The following KCNN2 variants were observed in gnomAD, a reference collection of about 807,000 sequenced individuals.
KCNN2 encodes potassium calcium-activated channel subfamily N member 2.
A neutral mutation model predicts 55.5 loss-of-function variants in KCNN2; 24 were observed. That is an observed-to-expected ratio of 0.43 (90% confidence interval 0.31 to 0.61). The LOEUF (loss-of-function observed/expected upper bound fraction) is 0.61, where lower values mean the gene tolerates loss of function less well. Among genes scored for constraint, KCNN2 ranks in the 20% least tolerant of loss-of-function variants. The pLI, the probability that KCNN2 is intolerant of heterozygous loss-of-function variation, is 0.08. For missense variants in KCNN2, 754 were observed against 853.6 expected, an observed-to-expected ratio of 0.88 and a Z score of 1.45; for synonymous variants, 431 against 336.1, an observed-to-expected ratio of 1.28 and a Z score of -3.09.
intron 1 of KCNN2, among the ~76,000 whole-genome samples, chr5:114,164,153 T>C (rs2112535285): frequency 6.6e-6 from 1 of 152,306 alleles, no homozygotes; most frequent in African/African-American, 2.4e-5. Context: ...TGGTGAAATG[T>C]AGTATAAGAA....
At chr5:114,134,022 G>A (rs79143392) in intron 1 of KCNN2, among the ~76,000 whole-genome samples, 4,639 of 152,206 alleles carry the variant, frequency 0.03, 244 homozygotes, top group African/African-American at 0.1. Context: ...GCTGGATGCA[G>A]TTCATCAGGA....
chr5:114,466,324 C>T (rs941949226), intron 4 of KCNN2, among the ~76,000 whole-genome samples: 50 of 151,992 alleles, frequency 3.3e-4, no homozygotes, highest in African/African-American at 1.1e-3. Context: ...TAGCTTTGTA[C>T]TTTTGGTTGA....
intron 1 of KCNN2, among the ~76,000 whole-genome samples, chr5:114,160,489 G>T (rs991148516): frequency 6.6e-6 from 1 of 152,116 alleles, no homozygotes; most frequent in Non-Finnish European, 1.5e-5. Context: ...TGTTGATTTG[G>T]GGTGGAGAGT....
At chr5:114,459,434 A>G (rs1761088788) in intron 3 of KCNN2, among the ~76,000 whole-genome samples, 1 of 152,234 alleles carries the variant, frequency 6.6e-6, no homozygotes, top group East Asian at 1.9e-4. Flanking sequence ...AAATGTTTTG[A>G]AAATTTTTAA....
At chr5:114,245,249 C>T (rs1176299693) in intron 2 of KCNN2, among the ~76,000 whole-genome samples, 2 of 152,150 alleles carry the variant, frequency 1.3e-5, no homozygotes, top group Non-Finnish European at 2.9e-5. Context: ...CAGTTGTATT[C>T]GTATGTGGGT....
intron 2 of KCNN2, among the ~76,000 whole-genome samples, chr5:114,286,671 G>T (rs1004340380): frequency 1.3e-5 from 2 of 152,108 alleles, no homozygotes; most frequent in African/African-American, 4.8e-5. Flanking sequence ...TGACTAACAA[G>T]ACTAGGAGAA....
chr5:114,150,661 A>T (rs1263627029), intron 1 of KCNN2, among the ~76,000 whole-genome samples: 2 of 152,160 alleles, frequency 1.3e-5, no homozygotes, highest in African/African-American at 2.4e-5. Flanking sequence ...AGTCAAATGG[A>T]AACTACACCA....
intron 1 of KCNN2, among the ~76,000 whole-genome samples, chr5:114,219,894 T>G (rs544892327): frequency 6.6e-6 from 1 of 152,230 alleles, no homozygotes; most frequent in Non-Finnish European, 1.5e-5. Context: ...ATAAACTGTA[T>G]GTTAAGCATC....
At chr5:114,206,083 TC>T in intron 1 of KCNN2, among the ~76,000 whole-genome samples, 1 of 152,318 alleles carries the variant, frequency 6.6e-6, no homozygotes, top group South Asian at 2.1e-4. Context: ...ATTTTTCCCG[TC>T]TTTGATTGTG....
intron 2 of KCNN2, among the ~76,000 whole-genome samples, chr5:114,343,341 C>G (rs1211940992): frequency 6.6e-6 from 1 of 152,052 alleles, no homozygotes; most frequent in Non-Finnish European, 1.5e-5. Flanking sequence ...TTGTCTATAT[C>G]TCATTATTGA....
chr5:114,355,309 C>T (rs527374388), intron 2 of KCNN2, among the ~76,000 whole-genome samples: 8 of 152,038 alleles, frequency 5.3e-5, no homozygotes, highest in Admixed American at 2.6e-4. Context: ...GATCAGGAAA[C>T]GAGAAAAATG....
chr5:114,083,071 G>A (rs957490324), intron 1 of KCNN2, among the ~76,000 whole-genome samples: 3 of 152,026 alleles, frequency 2.0e-5, no homozygotes, highest in African/African-American at 7.2e-5. Context: ...TTTGTCATAT[G>A]TATTTTACCA....
intron 1 of KCNN2, among the ~76,000 whole-genome samples, chr5:114,122,849 A>C (rs1403947121): frequency 1.3e-5 from 2 of 152,228 alleles, no homozygotes; most frequent in Admixed American, 1.3e-4. Context: ...CTGGGATGGG[A>C]AGTTCTTGTT....
intron 2 of KCNN2, among the ~76,000 whole-genome samples, chr5:114,335,205 A>G (rs994881843): frequency 2.3e-4 from 35 of 152,052 alleles, no homozygotes; most frequent in South Asian, 1.4e-3. Context: ...TTACAGGCAC[A>G]TTGCATATTT....
chr5:114,295,127 C>G (rs1354851116), intron 2 of KCNN2, among the ~76,000 whole-genome samples: 2 of 152,166 alleles, frequency 1.3e-5, no homozygotes, highest in Non-Finnish European at 2.9e-5. Context: ...AGGGGTGCCT[C>G]CCAGTTAGGC....
rs750864489 is a variant in KCNN2 at position 114,496,091 on chromosome 5, A to G, written c.2285A>G (p.His762Arg). Residue 762 changes from histidine (H) to arginine (R), a missense_variant, in exon 8 of 8, where the codon CAC (histidine) becomes CGC (arginine). His to Arg is a conservative substitution (Grantham distance 29). Transcript: ENST00000673685. ...GCTCAGATGGAGAGCTACGACAAGC[A>G]CGTCACTTACAATGCTGAGCGGTCC... ...IEAQMESYDK[H>R]VTYNAERSRS... is the part of the protein sequence containing the mutation. 1.2e-6 allele frequency: 2 copies of G among 1,614,092 alleles called. No homozygotes were observed. Among genetic ancestry groups the G allele is most frequent in the Non-Finnish European group, 1.7e-6 (2 of 1,179,988 alleles).
intron 5 of KCNN2, among the ~76,000 whole-genome samples, chr5:114,480,151 C>CAAAT (rs1437602214): frequency 1.3e-5 from 2 of 151,462 alleles, no homozygotes; most frequent in Non-Finnish European, 2.9e-5. Context: ...AGCAAAGAGT[C>CAAAT]AAATAAACAC....
intron 2 of KCNN2, among the ~76,000 whole-genome samples, chr5:114,381,220 G>A (rs1259225076): frequency 6.6e-6 from 1 of 152,148 alleles, no homozygotes; most frequent in Non-Finnish European, 1.5e-5. Flanking sequence ...TATCACTAAA[G>A]AAATTTAGCT....
Position 114,148,024 on chromosome 5 carries a change from G to A in KCNN2, c.-270-73456G>A, listed in dbSNP as rs181723711. Among the ~76,000 whole-genome samples, 8 of 152,208 alleles carry A rather than the reference G, an allele frequency of 5.3e-5. No homozygotes were observed. In the East Asian group the frequency reaches 9.7e-4, roughly 18 times the overall value. Reference sequence around the variant, plus strand: ...ATGTAATTATTTTTAAAAATCTGTCGAATAGATTGTAACACAGTACTGACA... The same window carrying A: ...ATGTAATTATTTTTAAAAATCTGTCAAATAGATTGTAACACAGTACTGACA... On this transcript the variant is annotated intron_variant, in intron 1 of 10. Coordinates refer to the KCNN2 transcript ENST00000512097.
Sources: gnomAD v4.1 joint callset for allele counts (sites outside exome capture counted in the v4.1 genomes callset) on GRCh38, gnomAD v4.1.1 for gene constraint, MANE v1.5 for transcripts, NCBI Gene and HGNC (gene_info 2026-07-23, HGNC 2026-07-21) for gene names.